The following ZC3H12B variants were observed in gnomAD, a reference collection of about 807,000 sequenced individuals.
ZC3H12B encodes probable ribonuclease ZC3H12B.
ZC3H12B carries 7 observed loss-of-function variants against 43.9 expected under a neutral mutation model. The observed-to-expected ratio is 0.16, with a 90% CI of 0.09 to 0.30. The LOEUF (loss-of-function observed/expected upper bound fraction) is 0.30, where lower values mean the gene tolerates loss of function less well. Ranked by LOEUF, ZC3H12B falls within the 10% of genes least tolerant of loss-of-function variation. The pLI is 1.00. For synonymous variants in ZC3H12B, 222 were observed against 241.7 expected, an observed-to-expected ratio of 0.92 and a Z score of 0.76; for missense variants, 475 against 670.2, an observed-to-expected ratio of 0.71 and a Z score of 3.22.
intron 3 of ZC3H12B, among the ~76,000 whole-genome samples, chrX:65,413,543 T>A (rs1263215407): frequency 8.9e-6 from 1 of 112,238 alleles, no homozygotes; most frequent in African/African-American, 3.2e-5. Context: ...CTATTATTTT[T>A]TCTCTTCGAA....
upstream of ZC3H12B, among the ~76,000 whole-genome samples, chrX:65,365,666 C>T (rs191872572): frequency 3.8e-4 from 42 of 111,278 alleles, no homozygotes; most frequent in East Asian, 0.011. Context: ...ACAGGAATGT[C>T]AGGCCTCTGA....
At chrX:65,037,640 AT>A in the ZC3H12B span, among the ~76,000 whole-genome samples, 290 of 109,848 alleles carry the variant, frequency 2.6e-3, 3 homozygotes, top group Non-Finnish European at 6.5e-4. Context: ...TAACCTGTAC[AT>A]TTTTTTTTAC....
At chrX:65,405,626 A>T (rs781392670) in intron 3 of ZC3H12B, among the ~76,000 whole-genome samples, 1 of 111,398 alleles carries the variant, frequency 9.0e-6, no homozygotes, top group East Asian at 2.8e-4. Context: ...TCTCAGAAAT[A>T]ATAATAATAA....
the ZC3H12B span, among the ~76,000 whole-genome samples, chrX:65,191,670 GTC>G: frequency 9.5e-6 from 1 of 104,744 alleles, no homozygotes; most frequent in African/African-American, 3.6e-5. Context: ...TTTTTTTTGT[GTC>G]TATTTGATTC....
intron 3 of ZC3H12B, among the ~76,000 whole-genome samples, chrX:65,466,124 A>C (rs2148185818): frequency 9.0e-6 from 1 of 110,577 alleles, no homozygotes; most frequent in South Asian, 3.8e-4. Flanking sequence ...CATTATTACT[A>C]AAACTTTATA....
At chrX:65,424,413 G>A (rs768656622) in intron 3 of ZC3H12B, among the ~76,000 whole-genome samples, 70 of 111,786 alleles carry the variant, frequency 6.3e-4, no homozygotes, top group Admixed American at 1.1e-3. Flanking sequence ...CCACTCTGTA[G>A]GTTGTCTGCT....
At chrX:65,326,103 AAAGC>A in the ZC3H12B span, among the ~76,000 whole-genome samples, 134 of 111,872 alleles carry the variant, frequency 1.2e-3, 1 homozygote, top group African/African-American at 4.2e-3. Flanking sequence ...CCATTAGAAG[AAAGC>A]ATAGGGGCCT....
the ZC3H12B span, among the ~76,000 whole-genome samples, chrX:65,115,612 T>C: frequency 2.7e-5 from 3 of 111,790 alleles, no homozygotes; most frequent in Non-Finnish European, 5.7e-5. Flanking sequence ...CTACTTTTAG[T>C]ACTTTAGGGA....
At chrX:65,086,643 T>A in the ZC3H12B span, among the ~76,000 whole-genome samples, 1 of 112,142 alleles carries the variant, frequency 8.9e-6, no homozygotes, top group Non-Finnish European at 1.9e-5. Context: ...CTTTGCTCCT[T>A]CTGCTATATG....
the ZC3H12B span, among the ~76,000 whole-genome samples, chrX:65,064,778 A>C: frequency 9.0e-6 from 1 of 111,570 alleles, no homozygotes; most frequent in African/African-American, 3.3e-5. Flanking sequence ...TGGGAGTCTA[A>C]GTCTCTTTTT....
At chrX:65,411,338 A>T (rs2066900617) in intron 3 of ZC3H12B, among the ~76,000 whole-genome samples, 1 of 112,325 alleles carries the variant, frequency 8.9e-6, no homozygotes, top group Non-Finnish European at 1.9e-5. Flanking sequence ...CTATGAAAAT[A>T]TAGTTAGAAA....
At chrX:65,151,668 T>C in the ZC3H12B span, among the ~76,000 whole-genome samples, 1 of 111,838 alleles carries the variant, frequency 8.9e-6, no homozygotes, top group South Asian at 3.8e-4. Flanking sequence ...GAGGGACTTG[T>C]ACCATTCCTT....
At chrX:65,177,096 T>G in the ZC3H12B span, among the ~76,000 whole-genome samples, 1 of 112,314 alleles carries the variant, frequency 8.9e-6, no homozygotes, top group Non-Finnish European at 1.9e-5. Flanking sequence ...AAGTCGGCTT[T>G]ATTGCTGGGA....
the ZC3H12B span, among the ~76,000 whole-genome samples, chrX:65,257,201 C>G: frequency 3.6e-5 from 4 of 112,123 alleles, no homozygotes; most frequent in Admixed American, 2.8e-4. Flanking sequence ...TTGGAACCAA[C>G]CCAAATGTCC....
At chrX:65,207,358 T>C in the ZC3H12B span, among the ~76,000 whole-genome samples, 15 of 109,885 alleles carry the variant, frequency 1.4e-4, no homozygotes, top group East Asian at 4.3e-3. Context: ...TTGGAGACTA[T>C]TATTCTAAGT....
chrX:65,279,546 T>G, the ZC3H12B span, among the ~76,000 whole-genome samples: 1 of 111,152 alleles, frequency 9.0e-6, no homozygotes, highest in South Asian at 3.8e-4. Context: ...GACCCCATCC[T>G]TAACACCATA....
the ZC3H12B span, among the ~76,000 whole-genome samples, chrX:65,213,290 A>T: frequency 9.1e-6 from 1 of 110,428 alleles, no homozygotes; most frequent in South Asian, 3.7e-4. Flanking sequence ...CATTTTATTT[A>T]TTCACTCCTT....
chrX:65,319,517 T>C, the ZC3H12B span, among the ~76,000 whole-genome samples: 1 of 111,779 alleles, frequency 8.9e-6, no homozygotes, highest in Non-Finnish European at 1.9e-5. Context: ...GCTGGTACCA[T>C]TTCTACTGAA....
the ZC3H12B span, among the ~76,000 whole-genome samples, chrX:65,349,580 T>C: frequency 9.0e-6 from 1 of 111,355 alleles, no homozygotes; most frequent in Non-Finnish European, 1.9e-5. Context: ...CCAGGAGCTG[T>C]TTTTTGAAAA....
Sources: gnomAD v4.1 joint callset for allele counts (sites outside exome capture counted in the v4.1 genomes callset) on GRCh38, gnomAD v4.1.1 for gene constraint, MANE v1.5 for transcripts, NCBI Gene and HGNC (gene_info 2026-07-23, HGNC 2026-07-21) for gene names.